Variants in PIK3R1 observed in about 807,000 individuals in gnomAD.
PIK3R1 encodes the protein phosphatidylinositol 3-kinase regulatory subunit alpha.
PIK3R1 carries 29 observed loss-of-function variants against 98.0 expected under a neutral mutation model. That is an observed-to-expected ratio of 0.30 (90% CI 0.22 to 0.40). The LOEUF (loss-of-function observed/expected upper bound fraction) is 0.40. Ranked by LOEUF, PIK3R1 falls within the 10% of genes least tolerant of loss-of-function variation. The probability of loss-of-function intolerance (pLI) is 1.00; values close to 1 mark genes in which losing one functional copy is unlikely to be tolerated. For missense variants in PIK3R1, 596 were observed against 872.7 expected, an observed-to-expected ratio of 0.68 and a Z score of 3.99; for synonymous variants, 282 against 311.8, an observed-to-expected ratio of 0.90 and a Z score of 1.01.
intron 2 of PIK3R1, among the ~76,000 whole-genome samples, chr5:68,227,591 C>T (rs1744328877): frequency 6.6e-6 from 1 of 152,118 alleles, no homozygotes; most frequent in Admixed American, 6.5e-5. Flanking sequence ...GTATATTTAA[C>T]ATGATTTGTA....
chr5:68,241,749 T>C (rs149148075), intron 2 of PIK3R1, among the ~76,000 whole-genome samples: 4 of 152,366 alleles, frequency 2.6e-5, no homozygotes, highest in Admixed American at 6.5e-5. Context: ...CACCACACTG[T>C]ACCACCCTCA....
At chr5:68,282,001 G>T (rs1003254712) in intron 7 of PIK3R1, among the ~76,000 whole-genome samples, 7 of 152,160 alleles carry the variant, frequency 4.6e-5, no homozygotes, top group Admixed American at 1.3e-4. Flanking sequence ...TAGAGGATAG[G>T]GTAGGTAAAC....
At chr5:68,262,486 A>G (rs1745808040) in intron 2 of PIK3R1, among the ~76,000 whole-genome samples, 2 of 144,326 alleles carry the variant, frequency 1.4e-5, no homozygotes, top group Admixed American at 6.9e-5. Context: ...ATATATATCT[A>G]TATGTATACA....
chr5:68,259,831 C>T (rs1007946484), intron 2 of PIK3R1, among the ~76,000 whole-genome samples: 15 of 152,136 alleles, frequency 9.9e-5, no homozygotes, highest in Admixed American at 9.2e-4. Context: ...GGATGACACT[C>T]AGTTAGTACA....
intron 7 of PIK3R1, chr5:68,290,800 A>G: frequency 6.2e-7 from 1 of 1,613,254 alleles, no homozygotes; most frequent in East Asian, 2.2e-5. Context: ...ATTGTGGCAC[A>G]GACTTGATGT....
Position 68,280,949 on chromosome 5 carries a change from A to C in PIK3R1, c.859A>C (p.Ile287Leu). The change falls in exon 7 of 16, where the codon ATA becomes CTA. Residue 287 changes from isoleucine (I) to leucine (L), a missense_variant. Around this residue, in one of 3 missense-constraint regions of PIK3R1, gnomAD observed 352 missense variants for 393.3 expected, o/e 0.90. Coordinates refer to ENST00000521381, the MANE Select transcript of PIK3R1 (RefSeq NM_181523.3). Reference protein sequence around the residue: ...AASSDNTENLIKVIEILISTE... With the variant: ...AASSDNTENLLKVIEILISTE... ...CAGCTCTGATAATACTGAAAACCTCATAAAAGTTATAGAAATTTTAATCTC... is the reference window on the plus strand; with the variant it reads ...CAGCTCTGATAATACTGAAAACCTCCTAAAAGTTATAGAAATTTTAATCTC... The C allele has an allele frequency of 6.2e-7, 1 of 1,602,886 alleles. No individual in the cohort carries two copies.
chr5:68,245,433 C>T (rs536707069), intron 2 of PIK3R1, among the ~76,000 whole-genome samples: 1 of 152,236 alleles, frequency 6.6e-6, no homozygotes, highest in South Asian at 2.1e-4. Context: ...TGCAGCATTG[C>T]ACTTTTGTTC....
chr5:68,273,995 C>T lies in PIK3R1; in HGVS notation c.484C>T (p.Arg162Ter), dbSNP rs1230037871. The T allele has an allele frequency of 1.9e-6, 3 of 1,613,582 alleles. No individual in the cohort carries two copies. The highest frequency in any genetic ancestry group is 2.5e-6 in the Non-Finnish European group (3 of 1,179,642). The change falls in exon 4 of 16, where the codon CGA (arginine) becomes TGA (stop). Residue 162 changes from arginine to a stop codon, truncating the protein, a stop_gained. Coordinates refer to ENST00000521381, the MANE Select transcript of PIK3R1 (RefSeq NM_181523.3). LOFTEE classifies it high-confidence loss of function. ...TQSSSNLAEL[R>*]QLLDCDTPSV... ...GAGCTCCAGCAACCTGGCAGAATTA[C>T]GACAGCTTCTTGATTGTGGTGAGTG...
At chr5:68,223,908 G>A (rs1172662320) in intron 1 of PIK3R1, among the ~76,000 whole-genome samples, 3 of 152,210 alleles carry the variant, frequency 2.0e-5, no homozygotes, top group Admixed American at 6.5e-5. Context: ...GTTCCTGGAG[G>A]ATTGAAGATG....
intron 2 of PIK3R1, among the ~76,000 whole-genome samples, chr5:68,243,525 G>C (rs1394674584): frequency 5.3e-5 from 8 of 152,220 alleles, no homozygotes; most frequent in Admixed American, 5.2e-4. Context: ...AGAAAGTCCT[G>C]TTCTACCAAA....
chr5:68,285,840 A>C (rs1747056624), intron 7 of PIK3R1, among the ~76,000 whole-genome samples: 1 of 152,226 alleles, frequency 6.6e-6, no homozygotes, highest in African/African-American at 2.4e-5. Flanking sequence ...AGTTAAGACC[A>C]GTGGATATGG....
intron 1 of PIK3R1, among the ~76,000 whole-genome samples, chr5:68,219,677 A>C (rs572453059): frequency 1.2e-4 from 19 of 152,230 alleles, no homozygotes; most frequent in Non-Finnish European, 2.8e-4. Context: ...TTACTCCAAA[A>C]GGGGTTTAAG....
intron 2 of PIK3R1, among the ~76,000 whole-genome samples, chr5:68,263,679 T>C (rs542168680): frequency 6.6e-5 from 10 of 152,366 alleles, no homozygotes; most frequent in African/African-American, 2.4e-4. Flanking sequence ...TACCTTTTAA[T>C]ATATATAGTC....
rs545700381 is a variant in PIK3R1, at chr5:68,293,595, A to T, written c.1299+112A>T. On this transcript the variant is annotated intron_variant, in intron 10 of 15. Transcript: ENST00000521381. ...CATGTAATCAAGTCTAAAAAACTTGACACTCGTAATTACATAATTGCAATT... is the reference window on the plus strand; with the variant it reads ...CATGTAATCAAGTCTAAAAAACTTGTCACTCGTAATTACATAATTGCAATT... 3 of 1,178,658 alleles carry T rather than the reference A, an allele frequency of 2.5e-6. No homozygotes were observed. In the Admixed American group the frequency reaches 7.6e-5, roughly 30 times the overall value. The allele number at this position is 1,178,658 out of a possible 1,614,324, so 73.0% of individuals were successfully genotyped here. A position where few individuals can be genotyped will look rare whatever the true frequency, so the allele number is the denominator to read the frequency against.
chr5:68,260,627 A>T (rs1342023552), intron 2 of PIK3R1, among the ~76,000 whole-genome samples: 1 of 152,184 alleles, frequency 6.6e-6, no homozygotes, highest in East Asian at 1.9e-4. Context: ...AAACCTCTTG[A>T]GTCTCTTTCC....
chr5:68,273,423 C>G lies in PIK3R1; in HGVS notation c.368C>G (p.Ala123Gly). 1 of 1,614,074 alleles carries G rather than the reference C, an allele frequency of 6.2e-7. No homozygotes were observed. Among genetic ancestry groups the G allele is most frequent in the Non-Finnish European group, 8.5e-7 (1 of 1,179,954 alleles). Residue 123 changes from alanine (A) to glycine (G), a missense_variant, in exon 3 of 16, where the codon GCC becomes GGC. Ala to Gly is a moderately conservative substitution (Grantham distance 60). Transcript: ENST00000521381. ...LTLPDLAEQF[A>G]PPDIAPPLLI... ...CTCCCGGATCTTGCAGAGCAGTTTG[C>G]CCCTCCTGACATTGCCCCGCCTCTT...
intron 2 of PIK3R1, among the ~76,000 whole-genome samples, chr5:68,255,565 G>A (rs774277550): frequency 6.6e-6 from 1 of 152,142 alleles, no homozygotes; most frequent in Non-Finnish European, 1.5e-5. Context: ...GAAGATAATG[G>A]GAGTTGAGGA....
intron 2 of PIK3R1, among the ~76,000 whole-genome samples, chr5:68,242,845 A>G (rs1195920850): frequency 1.3e-5 from 2 of 152,178 alleles, no homozygotes; most frequent in East Asian, 3.8e-4. Context: ...GTTTGTATTT[A>G]GTCAAGTTGG....
At chr5:68,247,481 G>A (rs2112052285) in intron 2 of PIK3R1, among the ~76,000 whole-genome samples, 1 of 151,864 alleles carries the variant, frequency 6.6e-6, no homozygotes, top group Admixed American at 6.6e-5. Context: ...CTGTAGAGAT[G>A]GGGTTTCACC....
Sources: gnomAD v4.1 joint callset for allele counts (sites outside exome capture counted in the v4.1 genomes callset) on GRCh38, gnomAD v4.1.1 for gene constraint, gnomAD v4.1.1 regional missense constraint, MANE v1.5 for transcripts, NCBI Gene and HGNC (gene_info 2026-07-23, HGNC 2026-07-21) for gene names.